VMP1: variants seen among roughly 807,000 people sequenced by gnomAD.
VMP1 encodes the protein ectopic P-granules autophagy protein 3 homolog.
A neutral mutation model predicts 56.0 loss-of-function variants in VMP1; 11 were observed. The ratio of observed to expected loss-of-function variants is 0.20; its 90% CI spans 0.12 to 0.32. VMP1 has a LOEUF of 0.32. Among genes scored for constraint, VMP1 ranks in the 10% least tolerant of loss-of-function variants. The probability of loss-of-function intolerance (pLI) is 1.00; values close to 1 mark genes in which losing one functional copy is unlikely to be tolerated. For missense variants in VMP1, 296 were observed against 490.3 expected (o/e 0.60, Z 3.74); for synonymous variants, 149 against 165.0 (o/e 0.90, Z 0.74).
intron 7 of VMP1, among the ~76,000 whole-genome samples, chr17:59,785,389 C>T (rs768349106): frequency 1.3e-5 from 2 of 151,998 alleles, no homozygotes; most frequent in Non-Finnish European, 2.9e-5. Flanking sequence ...CAAAGAATAT[C>T]GGGGCCTGGC....
intron 5 of VMP1, among the ~76,000 whole-genome samples, chr17:59,759,278 G>T (rs1168052342): frequency 1.3e-5 from 2 of 152,118 alleles, no homozygotes; most frequent in East Asian, 3.9e-4. Context: ...GGAGGCTGAG[G>T]CAGGAGAATT....
At chr17:59,743,270 C>T (rs1021046424) in intron 5 of VMP1, among the ~76,000 whole-genome samples, 23 of 152,124 alleles carry the variant, frequency 1.5e-4, no homozygotes, top group African/African-American at 5.3e-4. Context: ...TCCCCACCTG[C>T]CCCCAAACCT....
intron 10 of VMP1, among the ~76,000 whole-genome samples, chr17:59,825,022 G>A (rs2038596262): frequency 6.6e-6 from 1 of 151,046 alleles, no homozygotes; most frequent in Non-Finnish European, 1.5e-5. Flanking sequence ...AAAGTCAGGT[G>A]ATAGAACCAA....
chr17:59,763,272 C>A (rs1568101443), intron 5 of VMP1, among the ~76,000 whole-genome samples: 1 of 151,606 alleles, frequency 6.6e-6, no homozygotes, highest in East Asian at 1.9e-4. Context: ...CAAAATAATT[C>A]TTTTTTCCCC....
intron 5 of VMP1, among the ~76,000 whole-genome samples, chr17:59,746,962 G>A (rs1021373036): frequency 6.6e-6 from 1 of 152,144 alleles, no homozygotes; most frequent in African/African-American, 2.4e-5. Context: ...GTTCTCCAAA[G>A]ACTGTGAAAT....
At chr17:59,743,767 T>C (rs534424263) in intron 5 of VMP1, among the ~76,000 whole-genome samples, 92 of 152,090 alleles carry the variant, frequency 6.0e-4, no homozygotes, top group Admixed American at 1.6e-3. Flanking sequence ...GCAACATTGC[T>C]GTAATTGCTT....
intron 5 of VMP1, among the ~76,000 whole-genome samples, chr17:59,755,130 C>T (rs983019405): frequency 6.6e-6 from 1 of 150,448 alleles, no homozygotes; most frequent in Non-Finnish European, 1.5e-5. Flanking sequence ...TTTTTTTAGA[C>T]GGAGACTCAC....
intron 9 of VMP1, among the ~76,000 whole-genome samples, chr17:59,814,872 C>T (rs1179004497): frequency 6.6e-6 from 1 of 152,172 alleles, no homozygotes; most frequent in Non-Finnish European, 1.5e-5. Flanking sequence ...TTTGTAAAGG[C>T]ATGTCACTTG....
intron 2 of VMP1, among the ~76,000 whole-genome samples, chr17:59,732,377 G>A (rs1232807673): frequency 6.6e-6 from 1 of 152,136 alleles, no homozygotes; most frequent in African/African-American, 2.4e-5. Flanking sequence ...CGAGTAGCTG[G>A]AATTAAAGGC....
At chr17:59,734,779 C>T (rs976278854) in intron 2 of VMP1, among the ~76,000 whole-genome samples, 22 of 151,764 alleles carry the variant, frequency 1.4e-4, no homozygotes, top group African/African-American at 5.3e-4. Context: ...TTATGAATTG[C>T]TTATTTTCAG....
chr17:59,774,962 G>T (rs1245001941), intron 7 of VMP1, among the ~76,000 whole-genome samples: 1 of 145,740 alleles, frequency 6.9e-6, no homozygotes, highest in Non-Finnish European at 1.5e-5. Context: ...TTTTTTTTGA[G>T]ATGGAGTCTC....
chr17:59,788,000 T>C (rs2037066662), intron 7 of VMP1, among the ~76,000 whole-genome samples: 1 of 152,162 alleles, frequency 6.6e-6, no homozygotes. Context: ...TTGAAATTGT[T>C]TATGTTTTAG....
intron 5 of VMP1, among the ~76,000 whole-genome samples, chr17:59,748,127 C>T (rs146881879): frequency 7.0e-6 from 1 of 143,760 alleles, no homozygotes. Flanking sequence ...ACCCAGGAGG[C>T]GGAGCTTACA....
At chr17:59,778,416 G>A (rs868205360) in intron 7 of VMP1, among the ~76,000 whole-genome samples, 28 of 151,920 alleles carry the variant, frequency 1.8e-4, no homozygotes, top group African/African-American at 6.0e-4. Context: ...GGTAGCGGGC[G>A]CCTGTAGTCC....
At chr17:59,790,835 T>C (rs2037199016) in intron 7 of VMP1, among the ~76,000 whole-genome samples, 1 of 152,182 alleles carries the variant, frequency 6.6e-6, no homozygotes. Context: ...TATTCTGATA[T>C]TGTAAAATTT....
chr17:59,722,196 C>G (rs1195013250), intron 1 of VMP1, among the ~76,000 whole-genome samples: 2 of 152,162 alleles, frequency 1.3e-5, no homozygotes, highest in Admixed American at 1.3e-4. Flanking sequence ...CCATTACAAG[C>G]ATATACTCTC....
intron 5 of VMP1, among the ~76,000 whole-genome samples, chr17:59,764,735 A>G (rs1381628986): frequency 6.6e-6 from 1 of 152,160 alleles, no homozygotes; most frequent in Non-Finnish European, 1.5e-5. Flanking sequence ...TAAGTGACTC[A>G]TTATGTGTAA....
intron 1 of VMP1, among the ~76,000 whole-genome samples, chr17:59,726,196 T>G (rs1323640794): frequency 1.3e-5 from 2 of 152,150 alleles, no homozygotes; most frequent in Non-Finnish European, 1.5e-5. Context: ...TATCATATAT[T>G]TAGATATTTA....
At chr17:59,769,318 A>AT (rs905075157) in intron 6 of VMP1, among the ~76,000 whole-genome samples, 4 of 151,318 alleles carry the variant, frequency 2.6e-5, no homozygotes, top group Admixed American at 6.6e-5. Context: ...TGCCCAGCTA[A>AT]TTTTTTTGTA....
Sources: gnomAD v4.1 joint callset for allele counts (sites outside exome capture counted in the v4.1 genomes callset) on GRCh38, gnomAD v4.1.1 for gene constraint, MANE v1.5 for transcripts, NCBI Gene and HGNC (gene_info 2026-07-23, HGNC 2026-07-21) for gene names.